The following PAPOLA variants were observed in gnomAD, a reference collection of about 807,000 sequenced individuals.
The protein encoded by PAPOLA is polynucleotide adenylyltransferase alpha.
In PAPOLA, 15 loss-of-function variants were observed where a neutral mutation model predicts 100.6. That is an observed-to-expected ratio of 0.15 (90% CI 0.10 to 0.23). The LOEUF (loss-of-function observed/expected upper bound fraction) is 0.23. PAPOLA is among the 10% of genes least tolerant of loss of function. PAPOLA has a pLI of 1.00. For synonymous variants in PAPOLA, 293 were observed against 300.0 expected (o/e 0.98, Z 0.24); for missense variants, 533 against 884.2 (o/e 0.60, Z 5.04).
At chr14:96,532,899 T>C (rs746999564) in intron 9 of PAPOLA, 1 of 1,167,608 alleles carries the variant, frequency 8.6e-7, no homozygotes, top group Non-Finnish European at 1.1e-6. Flanking sequence ...GAATAAACTC[T>C]GAATTTTAGC....
At chr14:96,548,057 C>A in intron 16 of PAPOLA, 139 bp downstream of exon 16, 2 of 711,546 alleles carry the variant, frequency 2.8e-6, no homozygotes, top group Non-Finnish European at 4.6e-6. Context: ...TTTCATGGAG[C>A]AGTTTCATTA....
intron 1 of PAPOLA, among the ~76,000 whole-genome samples, chr14:96,505,043 ATG>A (rs1260016421): frequency 6.6e-6 from 1 of 152,214 alleles, no homozygotes; most frequent in Non-Finnish European, 1.5e-5. Flanking sequence ...TAAATTTCAT[ATG>A]TAGCTACAAA....
intron 15 of PAPOLA, among the ~76,000 whole-genome samples, chr14:96,546,533 A>G (rs1313706763): frequency 1.3e-5 from 2 of 152,032 alleles, no homozygotes; most frequent in African/African-American, 2.4e-5. Context: ...TCCTGTTATA[A>G]GTTCACAGTC....
chr14:96,517,961 C>A (rs1897606031), intron 1 of PAPOLA, among the ~76,000 whole-genome samples: 1 of 152,082 alleles, frequency 6.6e-6, no homozygotes, highest in African/African-American at 2.4e-5. Flanking sequence ...CTCGGCCCCC[C>A]AAAATTTGCT....
At chr14:96,533,168 C>T in intron 9 of PAPOLA, 1 of 983,954 alleles carries the variant, frequency 1.0e-6, no homozygotes, top group Non-Finnish European at 1.2e-6. Context: ...AGTCATTAAC[C>T]CAGATTTTTT....
Position 96,502,430 on chromosome 14 carries a change from A to G in PAPOLA, c.-163A>G, listed in dbSNP as rs1448607181. Reference sequence around the variant, plus strand: ...GGGCGCCATGTTAGGACGAAGGGGAAGGAGGAGAAGCGCTTAAAGCGGCGG... The same window carrying G: ...GGGCGCCATGTTAGGACGAAGGGGAGGGAGGAGAAGCGCTTAAAGCGGCGG... On this transcript the variant is annotated 5_prime_UTR_variant, in exon 1 of 22. Coordinates refer to ENST00000216277, the MANE Select transcript of PAPOLA (RefSeq NM_032632.5). 2 of 699,004 alleles carry G rather than the reference A, an allele frequency of 2.9e-6. No homozygotes were observed. Among genetic ancestry groups the G allele is most frequent in the Non-Finnish European group, 5.2e-6 (2 of 383,146 alleles). 43.3% of individuals were successfully genotyped at this position (699,004 alleles called of 1,614,324 possible). A position where few individuals can be genotyped will look rare whatever the true frequency, so the allele number is the denominator to read the frequency against.
intron 6 of PAPOLA, 86 bp downstream of exon 6, chr14:96,528,092 A>G (rs1202536411): frequency 1.2e-6 from 1 of 828,434 alleles, no homozygotes; most frequent in Non-Finnish European, 2.1e-6. Flanking sequence ...TTTAAAGTTT[A>G]TAATTAGTGA....
At chr14:96,546,862 T>C (rs1900432083) in intron 15 of PAPOLA, among the ~76,000 whole-genome samples, 1 of 152,176 alleles carries the variant, frequency 6.6e-6, no homozygotes, top group African/African-American at 2.4e-5. Flanking sequence ...GTTTCTCAAA[T>C]GTTCCAGGCA....
intron 17 of PAPOLA, among the ~76,000 whole-genome samples, chr14:96,555,240 T>G (rs1035907043): frequency 4.1e-4 from 60 of 146,530 alleles, no homozygotes; most frequent in African/African-American, 1.5e-3. Context: ...TAATATAGGT[T>G]TTTTTTTTTT....
At chr14:96,556,072 A>C in intron 18 of PAPOLA, 103 bp from the exon 19 acceptor site, 1 of 1,182,744 alleles carries the variant, frequency 8.5e-7, no homozygotes, top group South Asian at 1.3e-5. Flanking sequence ...TATTTTTTGC[A>C]TGTAAAGTTA....
In PAPOLA at chr14:96,556,182, G is replaced by T. The variant is rs749973837; in HGVS notation, c.1773G>T (p.Ser591=). 1 of 1,612,756 alleles carries T rather than the reference G, an allele frequency of 6.2e-7. No individual in the cohort carries two copies. The highest frequency in any genetic ancestry group is 1.7e-5 in the Admixed American group (1 of 59,984). Residue 591 remains serine (S), a synonymous_variant, in exon 19 of 22, where the codon TCG becomes TCT. Coordinates refer to ENST00000216277, the MANE Select transcript of PAPOLA (RefSeq NM_032632.5). ...CATATATTTGCTGCTTAGGTACATC[G>T]AGTGAAAGCATTCCTCAAACTGCCA... The part of the protein sequence containing the change: ...VNSSESSGGT[S]SESIPQTATQ...
chr14:96,559,658 T>A (rs766932191), intron 19 of PAPOLA, among the ~76,000 whole-genome samples: 1 of 149,568 alleles, frequency 6.7e-6, no homozygotes, highest in African/African-American at 2.4e-5. Flanking sequence ...TTTAAAACTT[T>A]CTGTATGGAA....
rs1180380908 is a variant in PAPOLA at position 96,566,836 on chromosome 14, A to C, written c.*1786A>C. ...TTTAGTCTTGTCATTTTGTTTACAC[A>C]TTGGGGAAAACAATTCAGTTTATTA... On this transcript the variant is annotated 3_prime_UTR_variant, in exon 22 of 22. Coordinates refer to ENST00000216277, the MANE Select transcript of PAPOLA (RefSeq NM_032632.5). 6.6e-6 allele frequency: 1 copy of C among 152,592 alleles called. No homozygotes were observed. Among genetic ancestry groups the C allele is most frequent in the African/African-American group, 2.4e-5 (1 of 41,464 alleles). 9.5% of individuals were successfully genotyped at this position (152,592 alleles called of 1,614,324 possible).
At chr14:96,525,026 C>T (rs986789709) in intron 3 of PAPOLA, among the ~76,000 whole-genome samples, 5 of 152,180 alleles carry the variant, frequency 3.3e-5, no homozygotes, top group African/African-American at 1.2e-4. Flanking sequence ...TGTGGGATTA[C>T]ATGATCTTCT....
In PAPOLA at chr14:96,533,346, C is replaced by G. The variant is rs555283588; in HGVS notation, c.836+697C>G. 2.5e-4 allele frequency: 249 copies of G among 982,454 alleles called. No individual in the cohort carries two copies. The Middle Eastern group carries it at 6.8e-3, about 27-fold the overall frequency. 60.9% of individuals were successfully genotyped at this position (982,454 alleles called of 1,614,324 possible). Reference sequence around the variant, plus strand: ...ATTCCTGTTCTTATGAACTCCTGCTCCTCCCTCTGCAAAAGAGATGTTCTT... The same window carrying G: ...ATTCCTGTTCTTATGAACTCCTGCTGCTCCCTCTGCAAAAGAGATGTTCTT... On this transcript the variant is annotated intron_variant, in intron 9 of 21. Coordinates refer to ENST00000216277, the MANE Select transcript of PAPOLA (RefSeq NM_032632.5).
At chr14:96,525,000 G>T (rs962906574) in intron 3 of PAPOLA, among the ~76,000 whole-genome samples, 1 of 152,108 alleles carries the variant, frequency 6.6e-6, no homozygotes, top group Non-Finnish European at 1.5e-5. Context: ...TAAAGTCCCC[G>T]ATTCTAACGT....
intron 9 of PAPOLA, 199 bp downstream of exon 9, chr14:96,532,848 G>A: frequency 7.7e-7 from 1 of 1,299,290 alleles, no homozygotes; most frequent in Non-Finnish European, 9.7e-7. Context: ...AGGATAGTAA[G>A]GCAGATTCTA....
Position 96,562,843 on chromosome 14 carries a change from A to G in PAPOLA, c.2092A>G (p.Thr698Ala). 6.2e-7 allele frequency: 1 copy of G among 1,612,036 alleles called. No individual in the cohort carries two copies. The highest frequency in any genetic ancestry group is 2.2e-5 in the East Asian group (1 of 44,834). The change falls in exon 21 of 22, where the codon ACA becomes GCA. Residue 698 changes from threonine to alanine, a missense_variant. Physicochemically the swap from Thr to Ala is moderately conservative, Grantham distance 58 (BLOSUM62 0). Around this residue, in one of 9 missense-constraint regions of PAPOLA, gnomAD observed 242 missense variants for 281.0 expected, o/e 0.86. Coordinates refer to ENST00000216277, the MANE Select transcript of PAPOLA (RefSeq NM_032632.5). ...GGAACAACTTGATACAGAGACAAGTACAACTCAATCAGAAACTATTCAGAC... is the reference window on the plus strand; with the variant it reads ...GGAACAACTTGATACAGAGACAAGTGCAACTCAATCAGAAACTATTCAGAC... ...AKEQLDTETSTTQSETIQTAA... is the reference protein window; with the variant it reads ...AKEQLDTETSATQSETIQTAA...
rs75675809 is a variant in PAPOLA at position 96,529,283 on chromosome 14, T to C, written c.495+1277T>C. 9.0e-3 allele frequency among the ~76,000 whole-genome samples: 1,372 copies of C among 152,256 alleles called. 28 individuals are homozygous for C. Among genetic ancestry groups the C allele is most frequent in the African/African-American group, 0.031 (1,294 of 41,550 alleles). ...CCTATAATCTTTATTTCTGTCCAAA[T>C]TGGGGGAGACTTTGAAATCTGTTCT... is the stretch of plus-strand genomic sequence containing the variant. On this transcript the variant is annotated intron_variant, in intron 6 of 21. Transcript: ENST00000216277.
Sources: gnomAD v4.1 joint callset for allele counts (sites outside exome capture counted in the v4.1 genomes callset) on GRCh38, gnomAD v4.1.1 for gene constraint, gnomAD v4.1.1 regional missense constraint, MANE v1.5 for transcripts, NCBI Gene and HGNC (gene_info 2026-07-23, HGNC 2026-07-21) for gene names.